Variants in SLC60A1 observed in about 807,000 individuals in gnomAD.
SLC60A1 encodes major facilitator superfamily domain containing 4.
the SLC60A1 span, among the ~76,000 whole-genome samples, chr1:205,584,571 A>C: frequency 6.9e-6 from 1 of 145,040 alleles, no homozygotes; most frequent in East Asian, 2.0e-4. Flanking sequence ...AAAAAAGAAA[A>C]TCTTGGCCCT....
chr1:205,582,829 G>GT, the SLC60A1 span, among the ~76,000 whole-genome samples: 1 of 152,208 alleles, frequency 6.6e-6, no homozygotes, highest in Non-Finnish European at 1.5e-5. Context: ...CACAGGGGTG[G>GT]TTTTTGTCTT....
At chr1:205,589,519 T>TA in the SLC60A1 span, among the ~76,000 whole-genome samples, 1 of 152,256 alleles carries the variant, frequency 6.6e-6, no homozygotes, top group Non-Finnish European at 1.5e-5. Flanking sequence ...ATCTCACAGA[T>TA]ACATTTATTC....
the SLC60A1 span, among the ~76,000 whole-genome samples, chr1:205,589,246 G>T: frequency 6.6e-6 from 1 of 152,176 alleles, no homozygotes; most frequent in Non-Finnish European, 1.5e-5. Flanking sequence ...AGCCCCTGAA[G>T]GCAGGAGGTG....
At chr1:205,594,549 G>C in the SLC60A1 span, among the ~76,000 whole-genome samples, 4 of 151,866 alleles carry the variant, frequency 2.6e-5, no homozygotes, top group Non-Finnish European at 5.9e-5. Flanking sequence ...CCAGCTACTT[G>C]GGAGGCTGAG....
the SLC60A1 span, among the ~76,000 whole-genome samples, chr1:205,596,289 G>C: frequency 1.3e-5 from 2 of 152,256 alleles, no homozygotes; most frequent in Non-Finnish European, 2.9e-5. Context: ...AGTGTGGTGA[G>C]AGCAGGTGCA....
chr1:205,589,942 G>A, the SLC60A1 span, among the ~76,000 whole-genome samples: 1 of 152,208 alleles, frequency 6.6e-6, no homozygotes, highest in Non-Finnish European at 1.5e-5. Flanking sequence ...AGGACTTGTT[G>A]CTGACCCAGG....
chr1:205,596,213 A>T, the SLC60A1 span, among the ~76,000 whole-genome samples: 97,896 of 152,060 alleles, frequency 0.64, 32,172 homozygotes, highest in African/African-American at 0.71. Flanking sequence ...GTGATCTATA[A>T]GACAAGGCAT....
chr1:205,600,583 T>C, the SLC60A1 span: 4 of 911,996 alleles, frequency 4.4e-6, no homozygotes, highest in Non-Finnish European at 6.9e-6. Flanking sequence ...TCTTCTCCAC[T>C]AAAACTTGGT....
chr1:205,596,544 C>CA, the SLC60A1 span, among the ~76,000 whole-genome samples: 444 of 49,130 alleles, frequency 9.0e-3, 59 homozygotes, highest in African/African-American at 0.013. Context: ...GACTCTGTCT[C>CA]AAAAAAAAAA....
chr1:205,580,628 C>T, the SLC60A1 span: 2 of 1,595,468 alleles, frequency 1.3e-6, no homozygotes, highest in Non-Finnish European at 1.7e-6. This position sits in a 1 kb window ranked among gnomAD's most constrained non-coding sequence, Gnocchi z 5.0. Context: ...GACTGACCCC[C>T]ACCCCCACCC....
At chr1:205,597,373 G>GTTTTTTTTTGTTTTTTTTTTT in the SLC60A1 span, among the ~76,000 whole-genome samples, 1 of 37,228 alleles carries the variant, frequency 2.7e-5, no homozygotes. Context: ...AACCTAGGTT[G>GTTTTTTTTTGTTTTTTTTTTT]TTTTTTTTTT....
chr1:205,600,238 T>C, the SLC60A1 span: 35 of 592,068 alleles, frequency 5.9e-5, no homozygotes, highest in Admixed American at 1.1e-3. Context: ...GGAAACTGCC[T>C]CCACCAACTG....
chr1:205,598,919 G>T, the SLC60A1 span: 3 of 611,942 alleles, frequency 4.9e-6, no homozygotes, highest in Non-Finnish European at 5.7e-6. Flanking sequence ...ACCAGGTCCA[G>T]TCCCTGCCTT....
the SLC60A1 span, among the ~76,000 whole-genome samples, chr1:205,578,501 T>C: frequency 6.6e-6 from 1 of 151,960 alleles, no homozygotes; most frequent in East Asian, 1.9e-4. Context: ...TGATCGGTAA[T>C]CTCCCCAGCA....
chr1:205,591,650 C>T, the SLC60A1 span, among the ~76,000 whole-genome samples: 1 of 152,084 alleles, frequency 6.6e-6, no homozygotes, highest in East Asian at 1.9e-4. Context: ...AGGATGGGAC[C>T]CTGCTGCCAC....
At chr1:205,571,808 G>A in the SLC60A1 span, among the ~76,000 whole-genome samples, 2 of 152,336 alleles carry the variant, frequency 1.3e-5, no homozygotes, top group East Asian at 3.9e-4. Flanking sequence ...CAAGTGCTTT[G>A]CAGCTTAAGT....
At chr1:205,588,469 CAAAAAA>C in the SLC60A1 span, among the ~76,000 whole-genome samples, 1 of 84,732 alleles carries the variant, frequency 1.2e-5, no homozygotes, top group Non-Finnish European at 2.1e-5. Flanking sequence ...GACTTCAAAT[CAAAAAA>C]AAAAAAAAAA....
the SLC60A1 span, chr1:205,592,062 CG>C: frequency 6.4e-7 from 1 of 1,574,026 alleles, no homozygotes; most frequent in African/African-American, 1.3e-5. Flanking sequence ...AGCCAGGAGA[CG>C]CCGACTCCTG....
the SLC60A1 span, among the ~76,000 whole-genome samples, chr1:205,577,376 T>C: frequency 6.6e-6 from 1 of 152,164 alleles, no homozygotes; most frequent in Non-Finnish European, 1.5e-5. This position sits in a 1 kb window ranked among gnomAD's most constrained non-coding sequence, Gnocchi z 5.2. Flanking sequence ...TCCAGGAACC[T>C]GGGTTGAGCG....
Sources: gnomAD v4.1 joint callset for allele counts (sites outside exome capture counted in the v4.1 genomes callset) on GRCh38, gnomAD v4.1.1 for gene constraint, Gnocchi (gnomAD v3.1) non-coding constraint, MANE v1.5 for transcripts, NCBI Gene and HGNC (gene_info 2026-07-23, HGNC 2026-07-21) for gene names.